Variants in UCK2 observed in about 807,000 individuals in gnomAD.
UCK2 encodes cytidine monophosphokinase 2.
A neutral mutation model predicts 30.8 loss-of-function variants in UCK2; 6 were observed. The observed-to-expected ratio is 0.19, with a 90% CI of 0.11 to 0.38. The LOEUF (loss-of-function observed/expected upper bound fraction) is 0.38. Among genes scored for constraint, UCK2 ranks in the 10% least tolerant of loss-of-function variants. The probability of loss-of-function intolerance (pLI) is 1.00; values close to 1 mark genes in which losing one functional copy is unlikely to be tolerated. For synonymous variants in UCK2, 125 were observed against 133.6 expected, an observed-to-expected ratio of 0.94 and a Z score of 0.45; for missense variants, 210 against 339.8, an observed-to-expected ratio of 0.62 and a Z score of 3.00.
chr1:165,888,825 A>G (rs1447158606), intron 1 of UCK2, among the ~76,000 whole-genome samples: 2 of 151,746 alleles, frequency 1.3e-5, no homozygotes, highest in African/African-American at 4.8e-5. Flanking sequence ...TGTCTCCTAC[A>G]GCTTGTGTAA....
chr1:165,907,560 AG>A, intron 6 of UCK2, 123 bp from the exon 7 acceptor site: 1 of 1,347,252 alleles, frequency 7.4e-7, no homozygotes, highest in Non-Finnish European at 1.0e-6. Context: ...TGCAAGTGGC[AG>A]AGCCACTTCC....
Position 165,872,305 on chromosome 1 carries a change from T to A in UCK2, c.100-17899T>A, listed in dbSNP as rs113262758. Among the ~76,000 whole-genome samples, 55 of 152,256 alleles carry A rather than the reference T, an allele frequency of 3.6e-4. 1 individual carries two copies. Among genetic ancestry groups the A allele is most frequent in the African/African-American group, 1.3e-3 (54 of 41,558 alleles). On this transcript the variant is annotated intron_variant, in intron 1 of 6. Transcript: ENST00000367879. ...GGCCAGGCTGGTCTTGAACTCCTGA[T>A]GTCAAGTGATCTGCCCGCCTTGGCC...
chr1:165,849,632 A>G (rs1654541299), intron 1 of UCK2, among the ~76,000 whole-genome samples: 1 of 152,262 alleles, frequency 6.6e-6, no homozygotes. Flanking sequence ...ATAGAGAAAC[A>G]TGAAATTTCT....
At chr1:165,851,084 C>T (rs1432612026) in intron 1 of UCK2, among the ~76,000 whole-genome samples, 6 of 152,066 alleles carry the variant, frequency 3.9e-5, no homozygotes, top group Non-Finnish European at 8.8e-5. Flanking sequence ...GTGAAGTCCC[C>T]TCCAGGTCAC....
intron 6 of UCK2, 151 bp downstream of exon 6, chr1:165,906,120 C>T (rs1302029012): frequency 1.1e-5 from 8 of 716,110 alleles, no homozygotes; most frequent in African/African-American, 5.3e-5. Flanking sequence ...TCCACCTACA[C>T]GTCTGGCCTC....
chr1:165,877,716 C>T (rs989979978), intron 1 of UCK2, among the ~76,000 whole-genome samples: 1 of 152,144 alleles, frequency 6.6e-6, no homozygotes, highest in African/African-American at 2.4e-5. Flanking sequence ...CTTCTATGAA[C>T]ATTTGTGTAT....
chr1:165,901,005 C>T (rs550179977), intron 4 of UCK2, among the ~76,000 whole-genome samples: 8 of 152,196 alleles, frequency 5.3e-5, no homozygotes, highest in Admixed American at 3.3e-4. Flanking sequence ...TGTGTTTTGG[C>T]GGTGCTACTC....
At chr1:165,891,793 C>T (rs928568523) in intron 3 of UCK2, among the ~76,000 whole-genome samples, 2 of 152,142 alleles carry the variant, frequency 1.3e-5, no homozygotes, top group Admixed American at 6.5e-5. Flanking sequence ...CTCCAGAAAG[C>T]TTCTCAGTGG....
At chr1:165,888,711 G>C (rs1321593937) in intron 1 of UCK2, among the ~76,000 whole-genome samples, 2 of 116,752 alleles carry the variant, frequency 1.7e-5, no homozygotes, top group African/African-American at 6.8e-5. Context: ...TCGAATTCCT[G>C]ACCTCAAGCA....
intron 1 of UCK2, among the ~76,000 whole-genome samples, chr1:165,879,545 T>TTTATTATTATTATTATTA (rs59350667): frequency 0.2 from 29,884 of 146,680 alleles, 3,270 homozygotes; most frequent in Non-Finnish European, 0.23. Context: ...ATGTTTGCTT[T>TTTATTATTATTATTATTA]TTATTATTAT....
intron 1 of UCK2, among the ~76,000 whole-genome samples, chr1:165,848,429 C>T (rs775096515): frequency 7.2e-5 from 11 of 152,078 alleles, no homozygotes; most frequent in South Asian, 6.2e-4. Flanking sequence ...GCCAGGAGTT[C>T]GACACCAGCC....
chr1:165,859,113 T>C (rs1472883975), intron 1 of UCK2, among the ~76,000 whole-genome samples: 1 of 152,136 alleles, frequency 6.6e-6, no homozygotes, highest in Admixed American at 6.5e-5. Context: ...TGGAGGACTG[T>C]AATTAAATCT....
At chr1:165,862,747 TA>T (rs1460344611) in intron 1 of UCK2, among the ~76,000 whole-genome samples, 1 of 152,190 alleles carries the variant, frequency 6.6e-6, no homozygotes, top group African/African-American at 2.4e-5. Context: ...ACAAGACACT[TA>T]AACCCTTAGT....
intron 4 of UCK2, among the ~76,000 whole-genome samples, chr1:165,897,736 C>T (rs1441853618): frequency 6.6e-6 from 1 of 152,214 alleles, no homozygotes; most frequent in Non-Finnish European, 1.5e-5. Context: ...GTAGAACCTA[C>T]AGAAACAAGT....
chr1:165,850,954 T>TAA (rs1553197162), intron 1 of UCK2, among the ~76,000 whole-genome samples: 5 of 118,574 alleles, frequency 4.2e-5, no homozygotes, highest in East Asian at 4.9e-4. Context: ...TTTTTTTTTT[T>TAA]AATAGAGAAT....
At chr1:165,896,914 C>T (rs1353908679) in intron 4 of UCK2, among the ~76,000 whole-genome samples, 2 of 152,216 alleles carry the variant, frequency 1.3e-5, no homozygotes, top group Admixed American at 6.5e-5. Context: ...GTGCTGAAGG[C>T]ACAGCAGTGC....
At chr1:165,881,182 T>TAAAAAAAA (rs56886913) in intron 1 of UCK2, among the ~76,000 whole-genome samples, 5 of 92,844 alleles carry the variant, frequency 5.4e-5, no homozygotes, top group Non-Finnish European at 8.1e-5. Flanking sequence ...CAATAAAACT[T>TAAAAAAAA]AAAAAAAAAA....
At position 165,910,002 on chromosome 1, in the gene UCK2, C is replaced by T. The variant is rs1234525880; in HGVS notation, c.*2179C>T. 2 of 152,386 alleles carry T rather than the reference C, an allele frequency of 1.3e-5. No individual in the cohort carries two copies. Among genetic ancestry groups the T allele is most frequent in the Non-Finnish European group, 2.9e-5 (2 of 68,160 alleles). The allele number at this position is 152,386 out of a possible 1,614,324, so 9.4% of individuals were successfully genotyped here. On this transcript the variant is annotated 3_prime_UTR_variant, in exon 7 of 7. Transcript: ENST00000367879. ...AGCCTTTACCTAGCTGCTTCCTCATCTACCTGTGGTGTTGGGACCAAGCCT... is the reference window on the plus strand; with the variant it reads ...AGCCTTTACCTAGCTGCTTCCTCATTTACCTGTGGTGTTGGGACCAAGCCT...
chr1:165,842,747 C>T (rs561644298), intron 1 of UCK2, among the ~76,000 whole-genome samples: 26 of 152,168 alleles, frequency 1.7e-4, no homozygotes, highest in East Asian at 3.8e-4. Context: ...GTTGCCTGTC[C>T]GTCGGGTACA....
Sources: gnomAD v4.1 joint callset for allele counts (sites outside exome capture counted in the v4.1 genomes callset) on GRCh38, gnomAD v4.1.1 for gene constraint, MANE v1.5 for transcripts, NCBI Gene and HGNC (gene_info 2026-07-23, HGNC 2026-07-21) for gene names.